The following CA7 variants were observed in gnomAD, a reference collection of about 807,000 sequenced individuals.
CA7 encodes the protein carbonic anhydrase 7, also known as carbonate dehydratase VII.
In CA7, 13 loss-of-function variants were observed where a neutral mutation model predicts 31.4. The observed-to-expected ratio is 0.41, with a 90% CI of 0.27 to 0.66. CA7 has a LOEUF of 0.66. Among genes scored for constraint, CA7 ranks in the 30% least tolerant of loss-of-function variants. The pLI is 0.28. For synonymous variants in CA7, 128 were observed against 133.2 expected (o/e 0.96, Z 0.27); for missense variants, 215 against 351.0 (o/e 0.61, Z 3.10).
chr16:66,850,680 G>C, intron 3 of CA7, 21 bp downstream of exon 3: 1 of 1,496,202 alleles, frequency 6.7e-7, no homozygotes, highest in Non-Finnish European at 9.3e-7. Flanking sequence ...TCCTCCACTT[G>C]AATCCCTCTG....
chr16:66,850,280 A>C (rs939096266), intron 2 of CA7, among the ~76,000 whole-genome samples: 1 of 152,018 alleles, frequency 6.6e-6, no homozygotes. Context: ...TCTCTACAAA[A>C]AATAAACAAA....
At chr16:66,844,805 C>G in intron 1 of CA7, 1 of 829,834 alleles carries the variant, frequency 1.2e-6, no homozygotes, top group South Asian at 3.3e-5. Context: ...ATTGCCCAGC[C>G]CGCTCAGACC....
chr16:66,844,626 T>G (rs1261371044), intron 1 of CA7, 99 bp downstream of exon 1: 2 of 1,061,014 alleles, frequency 1.9e-6, no homozygotes, highest in Non-Finnish European at 1.4e-6. Context: ...ACCGGAAAGC[T>G]CCCACACTCC....
In CA7 at chr16:66,850,413, C is replaced by T. The variant is rs1307089422; in HGVS notation, c.239-128C>T. On this transcript the variant is annotated intron_variant, in intron 2 of 6. Coordinates refer to ENST00000338437, the MANE Select transcript of CA7 (RefSeq NM_005182.3). The stretch of plus-strand genomic sequence containing the variant: ...CCATGTTTGCACCATGGCACTCCAG[C>T]CTGGGCAACAGAGCGAGACCCTGAC... The T allele has an allele frequency of 8.6e-6, 6 of 695,962 alleles. No homozygotes were observed. In the Admixed American group the frequency reaches 1.2e-4, roughly 14 times the overall value. 43.1% of individuals were successfully genotyped at this position (695,962 alleles called of 1,614,324 possible). A position where few individuals can be genotyped will look rare whatever the true frequency, so the allele number is the denominator to read the frequency against.
At chr16:66,845,600 G>A (rs1960914005) in intron 1 of CA7, among the ~76,000 whole-genome samples, 1 of 152,110 alleles carries the variant, frequency 6.6e-6, no homozygotes, top group Admixed American at 6.6e-5. Flanking sequence ...GCTGGAAAGA[G>A]ACATTCAGAA....
intron 1 of CA7, among the ~76,000 whole-genome samples, chr16:66,846,212 T>C (rs2145376870): frequency 6.6e-6 from 1 of 151,946 alleles, no homozygotes; most frequent in Admixed American, 6.6e-5. Context: ...TGCATGGGCA[T>C]GTGTTTTGCT....
chr16:66,851,513 G>C lies in CA7; in HGVS notation c.408G>C (p.Ala136=). 6.2e-7 allele frequency: 1 copy of C among 1,614,128 alleles called. No individual in the cohort carries two copies. The highest frequency in any genetic ancestry group is 2.2e-5 in the East Asian group (1 of 44,872). ...AGAAGTACAGCACTTTTGGGGAGGC[G>C]GCCTCAGCACCTGATGGCCTGGCTG... The part of the protein sequence containing the change: ...NAKKYSTFGE[A]ASAPDGLAVV... The change falls in exon 4 of 7, where the codon GCG becomes GCC. Residue 136 remains alanine, a synonymous_variant. Coordinates refer to ENST00000338437, the MANE Select transcript of CA7 (RefSeq NM_005182.3).
Position 66,847,226 on chromosome 16 carries a change from C to T in CA7, c.237C>T (p.Thr79=), listed in dbSNP as rs372289581. Residue 79 remains threonine, a splice_region_variant and synonymous_variant, in exon 2 of 7, where the codon ACC becomes ACT. Coordinates refer to ENST00000338437, the MANE Select transcript of CA7 (RefSeq NM_005182.3). ...ACTTCAATGACAGCGATGACCGAAC[C>T]GGTAAGTGGCCCCTGCCAAAGCCTG... ...QVDFNDSDDR[T]VVTGGPLEGP... is the part of the protein sequence containing the mutation. 8.7e-6 allele frequency: 14 copies of T among 1,613,924 alleles called. No homozygotes were observed. Among genetic ancestry groups the T allele is most frequent in the African/African-American group, 4.0e-5 (3 of 74,934 alleles).
rs186750618 is a variant in CA7, at chr16:66,848,355, A to G, written c.238+1128A>G. On this transcript the variant is annotated intron_variant, in intron 2 of 6. Transcript: ENST00000338437. ...GGGAGGGGGCGTGGGGCTCTAGCTGACCCTAGATGATAGTTTGGCAAGGAA... is the reference window on the plus strand; with the variant it reads ...GGGAGGGGGCGTGGGGCTCTAGCTGGCCCTAGATGATAGTTTGGCAAGGAA... 3.3e-5 allele frequency among the ~76,000 whole-genome samples: 5 copies of G among 152,218 alleles called. No homozygotes were observed. In the East Asian group the frequency reaches 9.7e-4, roughly 29 times the overall value.
Position 66,853,414 on chromosome 16 carries a change from C to G in CA7, c.711C>G (p.Asp237Glu). 6.2e-7 allele frequency: 1 copy of G among 1,614,090 alleles called. No homozygotes were observed. The highest frequency in any genetic ancestry group is 1.3e-5 in the African/African-American group (1 of 75,014). ...KFRSLLFTSE[D>E]DERIHMVNNF... Reference sequence around the variant, plus strand: ...GGAGCCTGCTTTTTACCTCGGAGGACGATGAGAGGATCCACATGGTGAACA... The same window carrying G: ...GGAGCCTGCTTTTTACCTCGGAGGAGGATGAGAGGATCCACATGGTGAACA... The change falls in exon 7 of 7, where the codon GAC becomes GAG. Residue 237 changes from aspartate (D) to glutamate (E), a missense_variant. Physicochemically the swap from Asp to Glu is conservative, Grantham distance 45. Transcript: ENST00000338437. The surrounding 1 kb of genome is among the most constrained non-coding windows in gnomAD (Gnocchi z 4.5).
In CA7 at chr16:66,853,557, GCAGACACCAAAC is replaced by G; in HGVS notation, c.*62_*73del. 1 of 1,601,978 alleles carries G rather than the reference GCAGACACCAAAC, an allele frequency of 6.2e-7. No individual in the cohort carries two copies. The highest frequency in any genetic ancestry group is 8.5e-7 in the Non-Finnish European group (1 of 1,175,262). Reference sequence around the variant, plus strand: ...CATCTTCTCAAGGGCTTCCATGTCAGCAGACACCAAACCATCTGAGGCTTCCTCCCTGGGGGG... The same window carrying G: ...CATCTTCTCAAGGGCTTCCATGTCAGCATCTGAGGCTTCCTCCCTGGGGGG... On this transcript the variant is annotated 3_prime_UTR_variant, in exon 7 of 7. Coordinates refer to ENST00000338437, the MANE Select transcript of CA7 (RefSeq NM_005182.3). The surrounding 1 kb of genome is among the most constrained non-coding windows in gnomAD (Gnocchi z 4.5).
chr16:66,850,758 A>T, intron 3 of CA7, 99 bp downstream of exon 3: 1 of 869,624 alleles, frequency 1.1e-6, no homozygotes, highest in South Asian at 1.3e-5. Context: ...GGCCTTGGAG[A>T]GGGGGAAGAG....
intron 2 of CA7, among the ~76,000 whole-genome samples, chr16:66,848,978 G>A (rs1960983248): frequency 6.6e-6 from 1 of 152,144 alleles, no homozygotes; most frequent in South Asian, 2.1e-4. Context: ...GATAAGACCG[G>A]GCAAGAAAGA....
Position 66,852,695 on chromosome 16 carries a change from C to T in CA7, c.517-17C>T. On this transcript the variant is annotated splice_polypyrimidine_tract_variant and intron_variant, in intron 5 of 6. Transcript: ENST00000338437. ...GGAGGTCTATGCTGATTCCTGGGTTCCTCCACCTTGTTCCAGGGCACCAAA... is the reference window on the plus strand; with the variant it reads ...GGAGGTCTATGCTGATTCCTGGGTTTCTCCACCTTGTTCCAGGGCACCAAA... 6.2e-7 allele frequency: 1 copy of T among 1,607,816 alleles called. No individual in the cohort carries two copies. The highest frequency in any genetic ancestry group is 8.5e-7 in the Non-Finnish European group (1 of 1,176,082).
rs760337579 is a variant in CA7, at chr16:66,850,623, T to G, written c.321T>G (p.Ser107=). The change falls in exon 3 of 7, where the codon TCT becomes TCG. Residue 107 remains serine, a synonymous_variant. Coordinates refer to ENST00000338437, the MANE Select transcript of CA7 (RefSeq NM_005182.3). The part of the protein sequence containing the change: ...FHWGKKHDVG[S]EHTVDGKSFP... The stretch of plus-strand genomic sequence containing the variant: ...GGGGCAAGAAGCACGATGTGGGTTC[T>G]GAGCACACGGTGGACGGCAAGTCCT... The G allele has an allele frequency of 1.2e-6, 2 of 1,613,900 alleles. No homozygotes were observed. The highest frequency in any genetic ancestry group is 1.7e-6 in the Non-Finnish European group (2 of 1,179,748).
At chr16:66,846,984 A>C in intron 1 of CA7, 46 bp from the exon 2 acceptor site, 8 of 1,562,638 alleles carry the variant, frequency 5.1e-6, no homozygotes, top group Non-Finnish European at 7.1e-6. Context: ...CCTGAAGCCC[A>C]GAGATCCTGG....
At chr16:66,844,903 T>C in intron 1 of CA7, 1 of 1,040,624 alleles carries the variant, frequency 9.6e-7, no homozygotes, top group South Asian at 4.6e-5. Flanking sequence ...CGCGGAGCGC[T>C]GTGCGCGGGT....
chr16:66,848,805 C>T (rs955323983), intron 2 of CA7, among the ~76,000 whole-genome samples: 2 of 152,140 alleles, frequency 1.3e-5, no homozygotes, highest in Non-Finnish European at 2.9e-5. Flanking sequence ...ACTATAGGGT[C>T]CCAGGTGAGG....
At chr16:66,846,242 T>G (rs1395548206) in intron 1 of CA7, among the ~76,000 whole-genome samples, 1 of 151,826 alleles carries the variant, frequency 6.6e-6, no homozygotes, top group African/African-American at 2.4e-5. Flanking sequence ...TATGCAAACT[T>G]GGGTCTCCAA....
Sources: allele counts gnomAD v4.1 joint callset (sites outside exome capture counted in the v4.1 genomes callset), GRCh38; gene constraint gnomAD v4.1.1; non-coding constraint Gnocchi (gnomAD v3.1); transcripts MANE v1.5; gene names NCBI Gene and HGNC (gene_info 2026-07-23, HGNC 2026-07-21).